ITPR1: variants seen among roughly 807,000 people sequenced by gnomAD.
ITPR1 encodes inositol 1,4,5-trisphosphate receptor type 1.
Under a neutral mutation model 318.4 loss-of-function variants are expected in ITPR1, and 96 were observed. The observed-to-expected ratio is 0.30, with a 90% CI of 0.26 to 0.36. The LOEUF (loss-of-function observed/expected upper bound fraction) is 0.36. Among genes scored for constraint, ITPR1 ranks in the 10% least tolerant of loss-of-function variants. The pLI is 1.00. For synonymous variants in ITPR1, 1,312 were observed against 1,289.9 expected (o/e 1.02, Z -0.37); for missense variants, 2,440 against 3,460.2 (o/e 0.71, Z 7.40).
At chr3:4,831,137 A>T (rs1202266424) in intron 60 of ITPR1, 1 of 373,190 alleles carries the variant, frequency 2.7e-6, no homozygotes, top group African/African-American at 2.1e-5. Flanking sequence ...TCTCTCACAC[A>T]CACACACACA....
At chr3:4,675,800 A>G (rs1190863715) in intron 23 of ITPR1, among the ~76,000 whole-genome samples, 1 of 152,122 alleles carries the variant, frequency 6.6e-6, no homozygotes, top group Non-Finnish European at 1.5e-5. Flanking sequence ...ATTATTGTTA[A>G]CTGGTCTTCT....
At chr3:4,628,683 C>A (rs1322463322) in intron 5 of ITPR1, among the ~76,000 whole-genome samples, 2 of 152,214 alleles carry the variant, frequency 1.3e-5, no homozygotes, top group Non-Finnish European at 2.9e-5. Context: ...CTGCCTCCCT[C>A]CTCTGGCATG....
At chr3:4,554,249 G>A (rs2085885830) in intron 4 of ITPR1, among the ~76,000 whole-genome samples, 1 of 152,146 alleles carries the variant, frequency 6.6e-6, no homozygotes, top group Non-Finnish European at 1.5e-5. Context: ...TAGGAATAGA[G>A]GCCCACTGAT....
chr3:4,679,376 G>A (rs79871266), intron 24 of ITPR1, among the ~76,000 whole-genome samples: 3,478 of 152,284 alleles, frequency 0.023, 118 homozygotes, highest in African/African-American at 0.08. Flanking sequence ...GCTGTGTCCC[G>A]GGAAAGCCAG....
chr3:4,733,925 G>A (rs2043103146), intron 43 of ITPR1, among the ~76,000 whole-genome samples: 1 of 152,226 alleles, frequency 6.6e-6, no homozygotes, highest in South Asian at 2.1e-4. Flanking sequence ...TGTGTTTTTA[G>A]GCAGTGCTCA....
intron 3 of ITPR1, among the ~76,000 whole-genome samples, chr3:4,519,448 A>C (rs986721528): frequency 1.3e-5 from 2 of 152,060 alleles, no homozygotes; most frequent in African/African-American, 4.8e-5. Flanking sequence ...AATGGTCTCA[A>C]TCTCTTGACC....
intron 2 of ITPR1, among the ~76,000 whole-genome samples, chr3:4,511,862 C>T (rs2081854007): frequency 6.6e-6 from 1 of 152,084 alleles, no homozygotes. Flanking sequence ...GAAGCAAAGC[C>T]TTAAGGAGAA....
Position 4,568,666 on chromosome 3 carries a change from T to C in ITPR1, c.163+47572T>C, listed in dbSNP as rs564427226. The stretch of plus-strand genomic sequence containing the variant: ...CGCAGCCTGCAAAATCAAGGAGATA[T>C]GGAAGTCCATAGTTTGAGTAAGGAA... On this transcript the variant is annotated intron_variant, in intron 4 of 61. Transcript: ENST00000649015. Among the ~76,000 whole-genome samples the C allele has an allele frequency of 3.9e-5, 6 of 152,222 alleles. No homozygotes were observed. The East Asian group carries it at 1.2e-3, about 29-fold the overall frequency.
At chr3:4,786,019 G>A (rs1028758812) in intron 51 of ITPR1, among the ~76,000 whole-genome samples, 1 of 152,194 alleles carries the variant, frequency 6.6e-6, no homozygotes, top group Admixed American at 6.5e-5. Context: ...TCTTCACTCT[G>A]GTGAACTAGG....
At chr3:4,525,498 T>G (rs2082906720) in intron 4 of ITPR1, among the ~76,000 whole-genome samples, 1 of 152,204 alleles carries the variant, frequency 6.6e-6, no homozygotes, top group African/African-American at 2.4e-5. Flanking sequence ...GCCTCTAACT[T>G]CCTCTGTAGG....
chr3:4,686,179 A>C (rs2094390911), intron 30 of ITPR1, among the ~76,000 whole-genome samples: 1 of 152,204 alleles, frequency 6.6e-6, no homozygotes, highest in South Asian at 2.1e-4. Context: ...ACAGCTGTGT[A>C]GAGTGAAACT....
chr3:4,774,230 TATA>T (rs1306195236), intron 46 of ITPR1, among the ~76,000 whole-genome samples: 30 of 152,244 alleles, frequency 2.0e-4, no homozygotes, highest in Non-Finnish European at 3.7e-4. Context: ...GTTTCTAATT[TATA>T]ATATTAAATG....
At chr3:4,778,734 T>C (rs1422985012) in intron 48 of ITPR1, among the ~76,000 whole-genome samples, 3 of 152,174 alleles carry the variant, frequency 2.0e-5, no homozygotes, top group African/African-American at 7.2e-5. Flanking sequence ...TCCAGTGATC[T>C]ATGGATGATG....
At position 4,537,057 on chromosome 3, in the gene ITPR1, A is replaced by G. The variant is rs115613732; in HGVS notation, c.163+15963A>G. 3.3e-3 allele frequency among the ~76,000 whole-genome samples: 502 copies of G among 152,336 alleles called. 1 individual carries two copies. Among genetic ancestry groups the G allele is most frequent in the Non-Finnish European group, 5.6e-3 (381 of 68,032 alleles). On this transcript the variant is annotated intron_variant, in intron 4 of 61. Coordinates refer to ENST00000649015, the MANE Select transcript of ITPR1 (RefSeq NM_001378452.1). ...GGCATTTGAGTACTGTCAGCAGCCT[A>G]CGTCCATATCTTGTGTCTTCTTTCT...
intron 35 of ITPR1, among the ~76,000 whole-genome samples, chr3:4,701,095 G>A (rs6774180): frequency 0.37 from 56,947 of 151,974 alleles, 11,382 homozygotes; most frequent in African/African-American, 0.47. Context: ...GCGTTTGGAT[G>A]GTTAGCAGGT....
intron 3 of ITPR1, among the ~76,000 whole-genome samples, chr3:4,518,364 A>G (rs2082312670): frequency 1.3e-5 from 2 of 152,216 alleles, no homozygotes; most frequent in Admixed American, 6.5e-5. Flanking sequence ...TTCCTCAAAC[A>G]TTGTAAACAA....
chr3:4,566,618 A>ACAGACG (rs1386429843), intron 4 of ITPR1, among the ~76,000 whole-genome samples: 1 of 129,216 alleles, frequency 7.7e-6, no homozygotes, highest in Non-Finnish European at 1.9e-5. Context: ...ACACACACAC[A>ACAGACG]CACACACACA....
intron 34 of ITPR1, 73 bp downstream of exon 34, chr3:4,697,345 T>TGTGTGC: frequency 7.0e-7 from 1 of 1,424,768 alleles, no homozygotes; most frequent in Non-Finnish European, 9.5e-7. Context: ...TGTGTGTGTG[T>TGTGTGC]GTGTGTGTAG....
rs919932582 is a variant in ITPR1 at position 4,779,902 on chromosome 3, G to A, written c.6387+257G>A. Among the ~76,000 whole-genome samples, 2 of 148,832 alleles carry A rather than the reference G, an allele frequency of 1.3e-5. No homozygotes were observed. Among genetic ancestry groups the A allele is most frequent in the Admixed American group, 6.7e-5 (1 of 14,938 alleles). ...GCCGTTGAAAGTAATGGCAAAAACC[G>A]CGATTACTTTTGCACCAACCTATAT... is the stretch of plus-strand genomic sequence containing the variant. On this transcript the variant is annotated intron_variant, in intron 49 of 61. Transcript: ENST00000649015. This position sits in a 1 kb window ranked among gnomAD's most constrained non-coding sequence, Gnocchi z 4.0.
Sources: allele counts gnomAD v4.1 joint callset (sites outside exome capture counted in the v4.1 genomes callset), GRCh38; gene constraint gnomAD v4.1.1; non-coding constraint Gnocchi (gnomAD v3.1); transcripts MANE v1.5; gene names NCBI Gene and HGNC (gene_info 2026-07-23, HGNC 2026-07-21).